The following SYNE2 variants were observed in gnomAD, a reference collection of about 807,000 sequenced individuals.
The protein encoded by SYNE2 is nesprin-2.
In SYNE2, 431 loss-of-function variants were observed where a neutral mutation model predicts 856.3. The observed-to-expected ratio is 0.50, with a 90% CI of 0.47 to 0.55. The LOEUF is 0.55. Ranked by LOEUF, SYNE2 falls within the 20% of genes least tolerant of loss-of-function variation. The probability of loss-of-function intolerance (pLI) is 0.00; values close to 1 mark genes in which losing one functional copy is unlikely to be tolerated. For missense variants in SYNE2, 8,129 were observed against 8,023.2 expected (o/e 1.01, Z -0.50); for synonymous variants, 2,923 against 2,872.3 (o/e 1.02, Z -0.56).
chr14:64,224,675 G>A, intron 114 of SYNE2, 128 bp downstream of exon 114: 1 of 1,045,212 alleles, frequency 9.6e-7, no homozygotes, highest in Non-Finnish European at 1.5e-6. Context: ...CTGACCCATA[G>A]AGAGGCTTAC....
chr14:63,907,687 C>T (rs561349679), intron 1 of SYNE2, among the ~76,000 whole-genome samples: 1 of 152,016 alleles, frequency 6.6e-6, no homozygotes, highest in Non-Finnish European at 1.5e-5. Flanking sequence ...GCTTTATCTC[C>T]ACTTTGGGTT....
chr14:64,113,563 G>T lies in SYNE2; in HGVS notation c.12832G>T (p.Gly4278Trp). Residue 4278 changes from glycine to tryptophan, a missense_variant, in exon 66 of 116, where the codon GGG becomes TGG. By Grantham distance (184) the Gly-to-Trp change is radical. Coordinates refer to ENST00000555002, the MANE Select transcript of SYNE2 (RefSeq NM_182914.3). ...MQQVLEQQLV[G>W]CQAMLTEIEH... ...GCAGGTGCTGGAACAGCAGCTGGTA[G>T]GGTGCCAGGTAAGACTGAGAAGTCA... 1 of 1,607,032 alleles carries T rather than the reference G, an allele frequency of 6.2e-7. No homozygotes were observed. The highest frequency in any genetic ancestry group is 1.1e-5 in the South Asian group (1 of 89,796).
Position 64,175,062 on chromosome 14 carries a change from G to T in SYNE2, c.17354G>T (p.Ser5785Ile). Reference protein sequence around the residue: ...KTKESVGRRISQLQDSWKDME... With the variant: ...KTKESVGRRIIQLQDSWKDME... The stretch of plus-strand genomic sequence containing the variant: ...AAAGAGTCTGTGGGTAGGAGAATCA[G>T]TCAACTTCAGGACAGCTGGAAAGAC... The change falls in exon 95 of 116, where the codon AGT becomes ATT. Residue 5785 changes from serine (S) to isoleucine (I), a missense_variant. This residue lies in a region of SYNE2 where 5,410 missense variants were observed against 5,284.8 expected (regional missense o/e 1.02). Transcript: ENST00000555002. 2 of 1,614,180 alleles carry T rather than the reference G, an allele frequency of 1.2e-6. No individual in the cohort carries two copies. The highest frequency in any genetic ancestry group is 1.7e-6 in the Non-Finnish European group (2 of 1,180,030).
At chr14:63,871,181 A>AG (rs1896736535) in intron 1 of SYNE2, among the ~76,000 whole-genome samples, 2 of 152,014 alleles carry the variant, frequency 1.3e-5, no homozygotes, top group Non-Finnish European at 2.9e-5. Context: ...AAGGACAGAA[A>AG]GGAACTAATT....
At chr14:63,871,587 G>T (rs972567567) in intron 1 of SYNE2, among the ~76,000 whole-genome samples, 2 of 139,064 alleles carry the variant, frequency 1.4e-5, no homozygotes, top group African/African-American at 2.6e-5. Context: ...ATCTAAAGTG[G>T]TTTTAAAAGA....
At chr14:64,189,063 G>A in intron 98 of SYNE2, 1 of 689,642 alleles carries the variant, frequency 1.5e-6, no homozygotes, top group South Asian at 1.5e-5. Flanking sequence ...GCCTGGCGTG[G>A]TGGCTCATTG....
chr14:63,930,068 T>TGAGGCCAGGATTTC (rs2095727970), intron 2 of SYNE2, among the ~76,000 whole-genome samples: 1 of 152,104 alleles, frequency 6.6e-6, no homozygotes, highest in South Asian at 2.1e-4. Flanking sequence ...GAAGATTGCT[T>TGAGGCCAGGATTTC]GAGGCCAGGA....
At chr14:64,151,249 CGTG>C (rs1412597626) in intron 84 of SYNE2, among the ~76,000 whole-genome samples, 1 of 151,768 alleles carries the variant, frequency 6.6e-6, no homozygotes, top group Non-Finnish European at 1.5e-5. Flanking sequence ...GGGCTCCTCA[CGTG>C]GTAATCTGGC....
intron 49 of SYNE2, among the ~76,000 whole-genome samples, chr14:64,058,296 G>A (rs2097289101): frequency 6.6e-6 from 1 of 152,058 alleles, no homozygotes; most frequent in African/African-American, 2.4e-5. Flanking sequence ...TTTTGTATAT[G>A]ATGAGAGATA....
intron 11 of SYNE2, among the ~76,000 whole-genome samples, chr14:63,976,087 G>A (rs754451418): frequency 2.0e-4 from 30 of 152,184 alleles, no homozygotes; most frequent in Admixed American, 3.3e-4. Flanking sequence ...TGGTGCTTTC[G>A]TGAAGGACAG....
chr14:63,958,873 G>T (rs963558156), intron 8 of SYNE2, among the ~76,000 whole-genome samples: 3 of 152,228 alleles, frequency 2.0e-5, no homozygotes, highest in Non-Finnish European at 4.4e-5. Context: ...TTATTTTAAT[G>T]GTCAATTTTT....
intron 28 of SYNE2, among the ~76,000 whole-genome samples, chr14:64,001,172 G>T (rs1285777993): frequency 6.6e-6 from 1 of 152,040 alleles, no homozygotes; most frequent in Non-Finnish European, 1.5e-5. Flanking sequence ...CTTACCTATG[G>T]TCACACATTT....
chr14:63,990,278 C>T, intron 19 of SYNE2, 133 bp from the exon 20 acceptor site: 1 of 766,266 alleles, frequency 1.3e-6, no homozygotes, highest in South Asian at 1.8e-5. Context: ...CTTAAAATAT[C>T]ATTTTTCAGA....
chr14:64,051,927 C>G lies in SYNE2; in HGVS notation c.8014C>G (p.Leu2672Val). 6.2e-7 allele frequency: 1 copy of G among 1,613,866 alleles called. No individual in the cohort carries two copies. Among genetic ancestry groups the G allele is most frequent in the Non-Finnish European group, 8.5e-7 (1 of 1,180,030 alleles). Reference protein sequence around the residue: ...NQSMIALTTDLQATKHGFSVL... With the variant: ...NQSMIALTTDVQATKHGFSVL... ...AAGCATGATTGCCTTGACCACTGACCTCCAGGCTACCAAGCATGGATTTTC... is the reference window on the plus strand; with the variant it reads ...AAGCATGATTGCCTTGACCACTGACGTCCAGGCTACCAAGCATGGATTTTC... Residue 2672 changes from leucine to valine, a missense_variant, in exon 48 of 116, where the codon CTC becomes GTC. Physicochemically the swap from Leu to Val is conservative, Grantham distance 32. Around this residue, in one of 3 missense-constraint regions of SYNE2, gnomAD observed 5,410 missense variants for 5,284.8 expected, o/e 1.02. Coordinates refer to ENST00000555002, the MANE Select transcript of SYNE2 (RefSeq NM_182914.3).
rs1046347687 is a variant in SYNE2 at position 64,209,961 on chromosome 14, A to G, written c.18560A>G (p.His6187Arg). ...KRFEAFQRQI[H>R]ERLTQLELIN... ...ATGCAGGCCTTTCAGCGGCAGATTC[A>G]TGAGCGGCTCACTCAGCTGGAGCTC... Residue 6187 changes from histidine (H) to arginine (R), a missense_variant, in exon 103 of 116, where the codon CAT becomes CGT. His to Arg is a conservative substitution (Grantham distance 29, BLOSUM62 0). Coordinates refer to ENST00000555002, the MANE Select transcript of SYNE2 (RefSeq NM_182914.3). 14 of 1,613,962 alleles carry G rather than the reference A, an allele frequency of 8.7e-6. No homozygotes were observed. The highest frequency in any genetic ancestry group is 1.2e-5 in the Non-Finnish European group (14 of 1,180,024).
Position 64,135,383 on chromosome 14 carries a change from G to A in SYNE2, c.14646+1183G>A, listed in dbSNP as rs905929638. On this transcript the variant is annotated intron_variant, in intron 78 of 115. Transcript: ENST00000555002. ...TATAAGGAACATTTTCCAGAGGCTG[G>A]GACACTGTATTTATACTCCCTAGAT... is the stretch of plus-strand genomic sequence containing the variant. Among the ~76,000 whole-genome samples, 3 of 152,050 alleles carry A rather than the reference G, an allele frequency of 2.0e-5. No homozygotes were observed. In the South Asian group the frequency reaches 6.2e-4, roughly 32 times the overall value.
intron 45 of SYNE2, among the ~76,000 whole-genome samples, chr14:64,044,411 G>A (rs2097170972): frequency 1.3e-5 from 2 of 152,272 alleles, no homozygotes; most frequent in Middle Eastern, 3.4e-3. Flanking sequence ...AGGCTCATAG[G>A]CAAAGGGACT....
chr14:63,927,249 G>A (rs970817890), intron 2 of SYNE2, among the ~76,000 whole-genome samples: 1 of 152,218 alleles, frequency 6.6e-6, no homozygotes, highest in Non-Finnish European at 1.5e-5. Context: ...AGAGTTGATG[G>A]TAGATTGAAG....
intron 30 of SYNE2, among the ~76,000 whole-genome samples, chr14:64,004,327 G>GT (rs2096778890): frequency 6.6e-6 from 1 of 150,636 alleles, no homozygotes; most frequent in African/African-American, 2.4e-5. Flanking sequence ...AGCCACCGTT[G>GT]TTTTTTTGTT....
Sources: gnomAD v4.1 joint callset for allele counts (sites outside exome capture counted in the v4.1 genomes callset) on GRCh38, gnomAD v4.1.1 for gene constraint, gnomAD v4.1.1 regional missense constraint, MANE v1.5 for transcripts, NCBI Gene and HGNC (gene_info 2026-07-23, HGNC 2026-07-21) for gene names.